The following ZNF28 variants were observed in gnomAD, a reference collection of about 807,000 sequenced individuals.
ZNF28 encodes the protein zinc finger protein KOX24.
Under a neutral mutation model 7.2 loss-of-function variants are expected in ZNF28, and 5 were observed. The ratio of observed to expected loss-of-function variants is 0.70; its 90% CI spans 0.36 to 1.46. The LOEUF (loss-of-function observed/expected upper bound fraction) is 1.46. Ranked by LOEUF, ZNF28 falls within the 40% of genes most tolerant of loss-of-function variation. The probability of loss-of-function intolerance (pLI) is 0.03; values close to 1 mark genes in which losing one functional copy is unlikely to be tolerated. For synonymous variants in ZNF28, 288 were observed against 292.4 expected, an observed-to-expected ratio of 0.99 and a Z score of 0.15; for missense variants, 879 against 866.6, an observed-to-expected ratio of 1.01 and a Z score of -0.18.
rs1333461839 is a variant in ZNF28 at position 52,801,403 on chromosome 19, G to C, written c.442C>G (p.Leu148Val). ...DQLGLSFHSH[L>V]PELHIFQPEG... ...GGCTGAAATATGTGCAGTTCAGGCAGATGCGAATGAAAGCTTAATCCAAGC... is the reference window on the plus strand; with the variant it reads ...GGCTGAAATATGTGCAGTTCAGGCACATGCGAATGAAAGCTTAATCCAAGC... The change falls in exon 4 of 4, where the codon CTG (leucine) becomes GTG (valine). Residue 148 changes from leucine to valine, a missense_variant. Around this residue, in one of 2 missense-constraint regions of ZNF28, gnomAD observed 864 missense variants for 830.2 expected, o/e 1.04. Transcript: ENST00000457749. The C allele has an allele frequency of 6.2e-7, 1 of 1,614,088 alleles. No homozygotes were observed. Among genetic ancestry groups the C allele is most frequent in the African/African-American group, 1.3e-5 (1 of 74,940 alleles).
chr19:52,813,630 T>C (rs888240235), intron 2 of ZNF28, among the ~76,000 whole-genome samples: 2 of 143,336 alleles, frequency 1.4e-5, no homozygotes, highest in African/African-American at 5.5e-5. Context: ...CCACCCCTCT[T>C]CTCTGGCCCC....
Position 52,801,567 on chromosome 19 carries a change from T to A in ZNF28, c.278A>T (p.Asp93Val). 1.2e-6 allele frequency: 2 copies of A among 1,614,218 alleles called. No individual in the cohort carries two copies. The highest frequency in any genetic ancestry group is 2.2e-5 in the South Asian group (2 of 91,084). ...GDFCFQKIEK[D>V]IHGFQFQWKE... Reference sequence around the variant, plus strand: ...CCACTGAAACTGGAAGCCATGAATGTCTTTCTCAATTTTCTGGAAGCAAAA... The same window carrying A: ...CCACTGAAACTGGAAGCCATGAATGACTTTCTCAATTTTCTGGAAGCAAAA... The change falls in exon 4 of 4, where the codon GAC (aspartate) becomes GTC (valine). Residue 93 changes from aspartate to valine, a missense_variant. Asp to Val is a radical substitution (Grantham distance 152, BLOSUM62 -3). Transcript: ENST00000457749.
At chr19:52,818,161 CA>C (rs1177027414) in intron 1 of ZNF28, 130 bp from the exon 2 acceptor site, 9 of 976,206 alleles carry the variant, frequency 9.2e-6, no homozygotes, top group Non-Finnish European at 1.3e-5. Flanking sequence ...GCACCACGAA[CA>C]AAAAATTCCT....
intron 2 of ZNF28, 82 bp from the exon 3 acceptor site, chr19:52,808,215 T>C: frequency 1.3e-6 from 2 of 1,575,710 alleles, no homozygotes; most frequent in East Asian, 2.2e-5. Context: ...GGGGAAAGCA[T>C]GGATTTAGTT....
chr19:52,815,652 A>G (rs889955072), intron 2 of ZNF28, among the ~76,000 whole-genome samples: 4 of 146,096 alleles, frequency 2.7e-5, no homozygotes, highest in Non-Finnish European at 3.0e-5. Flanking sequence ...ATGAAACCCC[A>G]TCTCTACTAA....
intron 2 of ZNF28, among the ~76,000 whole-genome samples, chr19:52,809,255 C>T (rs988922490): frequency 4.0e-4 from 61 of 152,190 alleles, no homozygotes; most frequent in African/African-American, 1.3e-3. Flanking sequence ...TGTAGTAATG[C>T]GGACGTGCAC....
chr19:52,807,020 C>T (rs564210661), intron 3 of ZNF28, among the ~76,000 whole-genome samples: 1 of 152,220 alleles, frequency 6.6e-6, no homozygotes, highest in African/African-American at 2.4e-5. Flanking sequence ...AATTCTCCCA[C>T]TTGCAGAGAG....
intron 2 of ZNF28, among the ~76,000 whole-genome samples, chr19:52,809,077 A>G (rs1332930798): frequency 2.0e-5 from 3 of 152,222 alleles, no homozygotes; most frequent in Admixed American, 6.5e-5. Context: ...AAATATAAAA[A>G]GTAGCAAGTT....
chr19:52,821,278 C>G (rs1386545214), intron 1 of ZNF28, among the ~76,000 whole-genome samples: 1 of 152,102 alleles, frequency 6.6e-6, no homozygotes, highest in Non-Finnish European at 1.5e-5. Flanking sequence ...TGGGAATACA[C>G]CTCTAGGGTG....
chr19:52,820,108 C>CTTTTT (rs71183842), intron 1 of ZNF28, among the ~76,000 whole-genome samples: 2 of 120,322 alleles, frequency 1.7e-5, no homozygotes, highest in Admixed American at 8.4e-5. Context: ...TATTTAACCT[C>CTTTTT]TTTTTTTTTT....
At chr19:52,810,874 CCT>C (rs1568655775) in intron 2 of ZNF28, among the ~76,000 whole-genome samples, 1 of 7,902 alleles carries the variant, frequency 1.3e-4, no homozygotes, top group Non-Finnish European at 2.1e-4. Flanking sequence ...TCCCCCTCCC[CCT>C]CCCCCTCCCC....
rs777804962 is a variant in ZNF28, at chr19:52,801,165, CT to C, written c.679del (p.Ser227AlafsTer4). On this transcript the variant is annotated frameshift_variant, in exon 4 of 4. Transcript: ENST00000457749. LOFTEE classifies it low-confidence loss of function (END_TRUNC). ...TATCTGATGTTTTTTTAAAAGTGAG[CT>C]ACAATTAAAGGATTTGCCACTCTCA... Reference protein sequence around the residue: ...CIESGKSFNCSSLLKKHQITH... With the variant: ...CIESGKSFNCXSLLKKHQITH... 1 of 1,614,000 alleles carries C rather than the reference CT, an allele frequency of 6.2e-7. No homozygotes were observed. The highest frequency in any genetic ancestry group is 8.5e-7 in the Non-Finnish European group (1 of 1,179,988).
Position 52,800,789 on chromosome 19 carries a change from C to G in ZNF28, c.1056G>C (p.Glu352Asp), listed in dbSNP as rs757197899. The G allele has an allele frequency of 2.9e-5, 46 of 1,613,968 alleles. No homozygotes were observed. Among genetic ancestry groups the G allele is most frequent in the Non-Finnish European group, 3.4e-6 (4 of 1,180,016 alleles). Residue 352 changes from glutamate to aspartate, a missense_variant, in exon 4 of 4, where the codon GAG becomes GAC. Physicochemically the swap from Glu to Asp is conservative, Grantham distance 45. Coordinates refer to ENST00000457749, the MANE Select transcript of ZNF28 (RefSeq NM_006969.5). ...CACATTCATTACACTTGTAAGGTTT[C>G]TCTCCAGTGTGAATTATAGTATGTT... ...LAKHTIIHTG[E>D]KPYKCNECGK...
chr19:52,801,486 G>C lies in ZNF28; in HGVS notation c.359C>G (p.Thr120Ser). 6.2e-7 allele frequency: 1 copy of C among 1,614,098 alleles called. No homozygotes were observed. Among genetic ancestry groups the C allele is most frequent in the Non-Finnish European group, 8.5e-7 (1 of 1,179,982 alleles). ...TTGATCATGTTGGCCTGTACTACCA[G>C]TCAACTCTTTGATTTCTGTCATGGG... is the stretch of plus-strand genomic sequence containing the variant. ...AAPMTEIKEL[T>S]GSTGQHDQRH... Residue 120 changes from threonine to serine, a missense_variant, in exon 4 of 4, where the codon ACT becomes AGT. By Grantham distance (58) the Thr-to-Ser change is moderately conservative. Around this residue, in one of 2 missense-constraint regions of ZNF28, gnomAD observed 864 missense variants for 830.2 expected, o/e 1.04. Coordinates refer to ENST00000457749, the MANE Select transcript of ZNF28 (RefSeq NM_006969.5).
At chr19:52,814,683 A>G (rs58437853) in intron 2 of ZNF28, among the ~76,000 whole-genome samples, 14,679 of 145,794 alleles carry the variant, frequency 0.1, 2,937 homozygotes, top group African/African-American at 0.27. Context: ...TTAGGAAATG[A>G]AAACCATCCT....
chr19:52,810,938 G>T (rs1368230729), intron 2 of ZNF28, among the ~76,000 whole-genome samples: 2 of 120,102 alleles, frequency 1.7e-5, no homozygotes, highest in African/African-American at 6.3e-5. Flanking sequence ...CTCTGATGCC[G>T]AGCCAAAGCT....
In ZNF28 at chr19:52,800,037, C is replaced by A. The variant is rs2062842211; in HGVS notation, c.1808G>T (p.Gly603Val). The change falls in exon 4 of 4, where the codon GGA (glycine) becomes GTA (valine). Residue 603 changes from glycine (G) to valine (V), a missense_variant. Around this residue, in one of 2 missense-constraint regions of ZNF28, gnomAD observed 864 missense variants for 830.2 expected, o/e 1.04. Transcript: ENST00000457749. Reference protein sequence around the residue: ...HLAQHQRVHTGEKPYKCNECG... With the variant: ...HLAQHQRVHTVEKPYKCNECG... ...CTCATTACACTTGTAAGGTTTCTCTCCAGTATGAACTCTCTGATGTTGTGC... is the reference window on the plus strand; with the variant it reads ...CTCATTACACTTGTAAGGTTTCTCTACAGTATGAACTCTCTGATGTTGTGC... 2 of 1,614,178 alleles carry A rather than the reference C, an allele frequency of 1.2e-6. No individual in the cohort carries two copies. Among genetic ancestry groups the A allele is most frequent in the African/African-American group, 1.3e-5 (1 of 75,052 alleles).
Position 52,800,394 on chromosome 19 carries a change from C to A in ZNF28, c.1451G>T (p.Arg484Ile), listed in dbSNP as rs376834553. The A allele has an allele frequency of 8.9e-5, 144 of 1,613,914 alleles. No individual in the cohort carries two copies. Among genetic ancestry groups the A allele is most frequent in the Non-Finnish European group, 1.2e-4 (140 of 1,179,990 alleles). ...CTCTCCAGTATGAATCCTCCTATGT[C>A]TTTCAAGGTGTGATTTGCACCTGAA... is the stretch of plus-strand genomic sequence containing the variant. ...KVFRCKSHLE[R>I]HRRIHTGEKP... Residue 484 changes from arginine to isoleucine, a missense_variant, in exon 4 of 4, where the codon AGA becomes ATA. Transcript: ENST00000457749.
At chr19:52,813,534 TC>T (rs1293957155) in intron 2 of ZNF28, among the ~76,000 whole-genome samples, 2 of 140,100 alleles carry the variant, frequency 1.4e-5, no homozygotes, top group Non-Finnish European at 3.0e-5. Flanking sequence ...ACCAGACTGT[TC>T]GGCTTGTCAC....
Sources: allele counts gnomAD v4.1 joint callset (sites outside exome capture counted in the v4.1 genomes callset), GRCh38; gene constraint gnomAD v4.1.1; regional missense constraint gnomAD v4.1.1; transcripts MANE v1.5; gene names NCBI Gene and HGNC (gene_info 2026-07-23, HGNC 2026-07-21).